The following CNNM4 variants were observed in gnomAD, a reference collection of about 807,000 sequenced individuals.
CNNM4 encodes metal transporter CNNM4.
Under a neutral mutation model 53.7 loss-of-function variants are expected in CNNM4, and 32 were observed. The ratio of observed to expected loss-of-function variants is 0.60; its 90% CI spans 0.45 to 0.80. The LOEUF (loss-of-function observed/expected upper bound fraction) is 0.80. Among genes scored for constraint, CNNM4 ranks in the 30% least tolerant of loss-of-function variants. The pLI is 0.00. For missense variants in CNNM4, 784 were observed against 1,022.0 expected (o/e 0.77, Z 3.17); for synonymous variants, 410 against 440.0 (o/e 0.93, Z 0.85).
intron 1 of CNNM4, among the ~76,000 whole-genome samples, chr2:96,786,410 T>G (rs2079016719): frequency 1.4e-5 from 2 of 143,470 alleles, no homozygotes; most frequent in Non-Finnish European, 3.0e-5. Flanking sequence ...CAAGACTCTG[T>G]CTCAAAAAAA....
At chr2:96,796,960 G>C (rs554312110) in intron 1 of CNNM4, 52 bp from the exon 2 acceptor site, 10 of 1,599,480 alleles carry the variant, frequency 6.3e-6, no homozygotes, top group Non-Finnish European at 5.1e-6. Context: ...GGTTGAGGGA[G>C]TCTCATGACT....
Position 96,797,270 on chromosome 2 carries a change from C to T in CNNM4, c.1546+115C>T. 6.7e-7 allele frequency: 1 copy of T among 1,482,576 alleles called. No homozygotes were observed. Among genetic ancestry groups the T allele is most frequent in the Non-Finnish European group, 9.3e-7 (1 of 1,076,060 alleles). The allele number at this position is 1,482,576 out of a possible 1,614,324, so 91.8% of individuals were successfully genotyped here. ...CACAGGAGGCCTAGCATCCAGAGGC[C>T]CAGTGGCTGGGTGCCCTGCACTGGC... On this transcript the variant is annotated intron_variant, in intron 2 of 6. Coordinates refer to ENST00000377075, the MANE Select transcript of CNNM4 (RefSeq NM_020184.4). This position sits in a 1 kb window ranked among gnomAD's most constrained non-coding sequence, Gnocchi z 6.0.
intron 1 of CNNM4, among the ~76,000 whole-genome samples, chr2:96,777,951 C>T (rs1294433678): frequency 5.3e-5 from 8 of 151,696 alleles, no homozygotes; most frequent in Admixed American, 3.3e-4. Flanking sequence ...ACTGAAGCCT[C>T]GACTTCCTGG....
intron 1 of CNNM4, 88 bp downstream of exon 1, chr2:96,762,489 C>A: frequency 7.9e-7 from 1 of 1,263,156 alleles, no homozygotes; most frequent in Non-Finnish European, 1.1e-6. Context: ...CTTTAGTGTT[C>A]TGTTTGTGTG....
At chr2:96,779,205 G>C (rs1028950288) in intron 1 of CNNM4, among the ~76,000 whole-genome samples, 1 of 152,118 alleles carries the variant, frequency 6.6e-6, no homozygotes, top group Non-Finnish European at 1.5e-5. Flanking sequence ...TGATCCGCCC[G>C]CCTCGGCCTC....
chr2:96,779,160 G>A (rs1316586832), intron 1 of CNNM4, among the ~76,000 whole-genome samples: 8 of 152,172 alleles, frequency 5.3e-5, no homozygotes, highest in Admixed American at 1.3e-4. Flanking sequence ...GGGTTTCACC[G>A]TGTTAGCCAG....
intron 1 of CNNM4, among the ~76,000 whole-genome samples, chr2:96,786,210 A>C (rs923637414): frequency 6.6e-6 from 1 of 152,060 alleles, no homozygotes; most frequent in Non-Finnish European, 1.5e-5. Context: ...TGAGGTAGGG[A>C]GTTTGAAACC....
At chr2:96,806,506 AACACACACACAC>A (rs151020163) in intron 5 of CNNM4, among the ~76,000 whole-genome samples, 15 of 135,442 alleles carry the variant, frequency 1.1e-4, no homozygotes, top group African/African-American at 2.8e-4. Context: ...CTAGCTATCC[AACACACACACAC>A]ACACACACAC....
intron 1 of CNNM4, among the ~76,000 whole-genome samples, chr2:96,764,772 G>A (rs2078798559): frequency 6.6e-6 from 1 of 152,100 alleles, no homozygotes; most frequent in Admixed American, 6.6e-5. Context: ...CAGATCACGA[G>A]GTCAGGAGAT....
intron 4 of CNNM4, 130 bp downstream of exon 4, chr2:96,799,356 C>A: frequency 7.6e-7 from 1 of 1,317,954 alleles, no homozygotes; most frequent in Non-Finnish European, 1.1e-6. Flanking sequence ...TGCCCTTGAG[C>A]CCCGCCTGCC....
intron 1 of CNNM4, among the ~76,000 whole-genome samples, chr2:96,769,888 A>G (rs1397007038): frequency 5.3e-5 from 8 of 152,236 alleles, no homozygotes; most frequent in Non-Finnish European, 1.2e-4. Context: ...GGGCAGGTGT[A>G]TCTGAGAGTG....
intron 3 of CNNM4, 24 bp from the exon 4 acceptor site, chr2:96,799,033 G>A (rs1406904287): frequency 1.2e-6 from 2 of 1,613,054 alleles, no homozygotes; most frequent in East Asian, 2.2e-5. Context: ...CCCCGTGTGA[G>A]GTCTCTTCTC....
At chr2:96,778,766 C>T (rs1004559682) in intron 1 of CNNM4, among the ~76,000 whole-genome samples, 1 of 151,626 alleles carries the variant, frequency 6.6e-6, no homozygotes, top group Non-Finnish European at 1.5e-5. Flanking sequence ...TTTATGAACC[C>T]TTTATCAGAC....
At chr2:96,785,684 G>A (rs2153347185) in intron 1 of CNNM4, among the ~76,000 whole-genome samples, 1 of 151,766 alleles carries the variant, frequency 6.6e-6, no homozygotes, top group Non-Finnish European at 1.5e-5. Context: ...TGTGCCGGTA[G>A]TCCCAGCTAT....
chr2:96,809,716 G>A lies in CNNM4; in HGVS notation c.*199G>A. The A allele has an allele frequency of 1.9e-6, 1 of 531,840 alleles. No homozygotes were observed. Among genetic ancestry groups the A allele is most frequent in the East Asian group, 2.9e-5 (1 of 34,448 alleles). 32.9% of individuals were successfully genotyped at this position (531,840 alleles called of 1,614,324 possible). A position where few individuals can be genotyped will look rare whatever the true frequency, so the allele number is the denominator to read the frequency against. On this transcript the variant is annotated 3_prime_UTR_variant, in exon 7 of 7. Transcript: ENST00000377075. ...CTCTGAGGTGGCACTGTCCAGCCCT[G>A]GATAGGGGGGGCAGTGGGCCAGCTA...
At chr2:96,798,610 A>C (rs2079127713) in intron 3 of CNNM4, among the ~76,000 whole-genome samples, 1 of 151,676 alleles carries the variant, frequency 6.6e-6, no homozygotes, top group Non-Finnish European at 1.5e-5. Context: ...AGGGGTGGCA[A>C]TTCCCTCTCC....
At chr2:96,762,575 TGTCTGCC>T (rs2078775685) in intron 1 of CNNM4, among the ~76,000 whole-genome samples, 174 bp downstream of exon 1, 1 of 152,198 alleles carries the variant, frequency 6.6e-6, no homozygotes, top group Non-Finnish European at 1.5e-5. Context: ...CATTCTCAAG[TGTCTGCC>T]GTCTGCCAGG....
At chr2:96,809,174 T>A (rs558898866) in intron 6 of CNNM4, 146 bp from the exon 7 acceptor site, 1 of 1,518,782 alleles carries the variant, frequency 6.6e-7, no homozygotes, top group Non-Finnish European at 8.8e-7. Context: ...TCGTGCACCT[T>A]GTTCTTTGTA....
Position 96,809,438 on chromosome 2 carries a change from C to T in CNNM4, c.2249C>T (p.Pro750Leu). ...AACTTGGCCGAGAAGTCTGAGCTGCCTGTGGTGGACGAGACCACAACTCTT... is the reference window on the plus strand; with the variant it reads ...AACTTGGCCGAGAAGTCTGAGCTGCTTGTGGTGGACGAGACCACAACTCTT... ...MENLAEKSEL[P>L]VVDETTTLLN... The change falls in exon 7 of 7, where the codon CCT (proline) becomes CTT (leucine). Residue 750 changes from proline (P) to leucine (L), a missense_variant. By Grantham distance (98) the Pro-to-Leu change is moderately conservative. Around this residue, in one of 3 missense-constraint regions of CNNM4, gnomAD observed 307 missense variants for 376.3 expected, o/e 0.82. Coordinates refer to ENST00000377075, the MANE Select transcript of CNNM4 (RefSeq NM_020184.4). The T allele has an allele frequency of 6.2e-7, 1 of 1,614,218 alleles. No individual in the cohort carries two copies. The highest frequency in any genetic ancestry group is 1.1e-5 in the South Asian group (1 of 91,086).
Sources: allele counts gnomAD v4.1 joint callset (sites outside exome capture counted in the v4.1 genomes callset), GRCh38; gene constraint gnomAD v4.1.1; regional missense constraint gnomAD v4.1.1; non-coding constraint Gnocchi (gnomAD v3.1); transcripts MANE v1.5; gene names NCBI Gene and HGNC (gene_info 2026-07-23, HGNC 2026-07-21).